DNAJC17: variants seen among roughly 807,000 people sequenced by gnomAD.
DNAJC17 encodes dnaJ homolog subfamily C member 17.
Under a neutral mutation model 48.1 loss-of-function variants are expected in DNAJC17, and 35 were observed. That is an observed-to-expected ratio of 0.73 (90% CI 0.56 to 0.96). DNAJC17 has a LOEUF of 0.96. Ranked by LOEUF, DNAJC17 falls within the 50% of genes least tolerant of loss-of-function variation. The probability of loss-of-function intolerance (pLI) is 0.00; values close to 1 mark genes in which losing one functional copy is unlikely to be tolerated. For missense variants in DNAJC17, 355 were observed against 377.1 expected, an observed-to-expected ratio of 0.94 and a Z score of 0.48; for synonymous variants, 117 against 142.7, an observed-to-expected ratio of 0.82 and a Z score of 1.28.
At chr15:40,781,748 C>T (rs1473092699) in intron 1 of DNAJC17, among the ~76,000 whole-genome samples, 8 of 150,360 alleles carry the variant, frequency 5.3e-5, no homozygotes, top group Non-Finnish European at 1.2e-4. Flanking sequence ...GGTGAAACCC[C>T]GTCTCTACTA....
chr15:40,767,039 T>G lies in DNAJC17; in HGVS notation c.*901A>C. On this transcript the variant is annotated 3_prime_UTR_variant, in exon 11 of 11. Coordinates refer to ENST00000220496, the MANE Select transcript of DNAJC17 (RefSeq NM_018163.3). Reference sequence around the variant, plus strand: ...TCACTAGCTTGTTGGGAAGAATAAATGAGATAGCTCGTGAAGTACCTAGAA... The same window carrying G: ...TCACTAGCTTGTTGGGAAGAATAAAGGAGATAGCTCGTGAAGTACCTAGAA... 8.3e-5 allele frequency: 39 copies of G among 469,252 alleles called. No homozygotes were observed. Among genetic ancestry groups the G allele is most frequent in the East Asian group, 2.0e-4 (6 of 29,650 alleles). The allele number at this position is 469,252 out of a possible 1,614,324, so 29.1% of individuals were successfully genotyped here. A position where few individuals can be genotyped will look rare whatever the true frequency, so the allele number is the denominator to read the frequency against.
chr15:40,779,524 G>A (rs369670646), intron 3 of DNAJC17, 21 bp downstream of exon 3: 36 of 1,613,930 alleles, frequency 2.2e-5, no homozygotes, highest in Non-Finnish European at 2.7e-5. Context: ...GGACGATTCC[G>A]ATGAAGGAGG....
In DNAJC17 at chr15:40,770,873, G is replaced by T. The variant is rs979645873; in HGVS notation, c.793-2811C>A. On this transcript the variant is annotated intron_variant, in intron 10 of 10. Coordinates refer to ENST00000220496, the MANE Select transcript of DNAJC17 (RefSeq NM_018163.3). This position sits in a 1 kb window ranked among gnomAD's most constrained non-coding sequence, Gnocchi z 5.0. ...GTGCCCTCCACCAGCACTCAGAGAA[G>T]GGCCTTGTGGACACTCCCTGCTTCC... 8 of 1,551,564 alleles carry T rather than the reference G, an allele frequency of 5.2e-6. No homozygotes were observed. The East Asian group carries it at 2.0e-4, about 38-fold the overall frequency.
Position 40,769,625 on chromosome 15 carries a change from C to T in DNAJC17, c.793-1563G>A, listed in dbSNP as rs1889067391. The stretch of plus-strand genomic sequence containing the variant: ...GACAGCGGGGCTGAGTCACCCATAC[C>T]AGCTACAGGTCTCTTCCTTCCCCAA... On this transcript the variant is annotated intron_variant, in intron 10 of 10. Transcript: ENST00000220496. This position sits in a 1 kb window ranked among gnomAD's most constrained non-coding sequence, Gnocchi z 4.2. Among the ~76,000 whole-genome samples the T allele has an allele frequency of 6.6e-6, 1 of 152,242 alleles. No individual in the cohort carries two copies.
At chr15:40,782,012 C>T (rs945195075) in intron 1 of DNAJC17, among the ~76,000 whole-genome samples, 2 of 152,014 alleles carry the variant, frequency 1.3e-5, no homozygotes, top group African/African-American at 4.8e-5. Flanking sequence ...TCGCTTGAGC[C>T]CAGGAGTTCC....
chr15:40,776,176 G>A lies in DNAJC17; in HGVS notation c.478+20C>T. ...TGGAGCTACCTTGGAGGGGAGATAG[G>A]CGGGGTGATAGACCTGCACCTCTCA... On this transcript the variant is annotated intron_variant, in intron 6 of 10. Coordinates refer to ENST00000220496, the MANE Select transcript of DNAJC17 (RefSeq NM_018163.3). The A allele has an allele frequency of 1.2e-6, 2 of 1,610,402 alleles. No homozygotes were observed. Among genetic ancestry groups the A allele is most frequent in the Non-Finnish European group, 1.7e-6 (2 of 1,178,148 alleles).
intron 5 of DNAJC17, 105 bp downstream of exon 5, chr15:40,776,437 G>A (rs746358632): frequency 6.7e-7 from 1 of 1,482,194 alleles, no homozygotes; most frequent in Non-Finnish European, 9.4e-7. Flanking sequence ...TCCCACTGAA[G>A]GTGCAAAGAG....
chr15:40,777,372 T>C (rs1160228012), intron 4 of DNAJC17, among the ~76,000 whole-genome samples: 1 of 151,618 alleles, frequency 6.6e-6, no homozygotes, highest in Non-Finnish European at 1.5e-5. Context: ...ATGCACATAT[T>C]AAAATATATG....
At chr15:40,798,762 G>C (rs1419177774) in intron 1 of DNAJC17, among the ~76,000 whole-genome samples, 2 of 152,130 alleles carry the variant, frequency 1.3e-5, no homozygotes, top group South Asian at 2.1e-4. Flanking sequence ...AAAGGATCAA[G>C]AACAGAAATA....
chr15:40,788,382 G>A (rs1466257556), intron 1 of DNAJC17, among the ~76,000 whole-genome samples: 1 of 152,062 alleles, frequency 6.6e-6, no homozygotes, highest in African/African-American at 2.4e-5. Flanking sequence ...GGGCAACAAA[G>A]CGAACCCCAC....
intron 1 of DNAJC17, among the ~76,000 whole-genome samples, chr15:40,796,093 C>T (rs1252934644): frequency 6.6e-6 from 1 of 152,210 alleles, no homozygotes; most frequent in African/African-American, 2.4e-5. Context: ...TATTTACTCT[C>T]AGTCTAATAA....
intron 10 of DNAJC17, 93 bp downstream of exon 10, chr15:40,773,634 G>C: frequency 1.0e-6 from 1 of 1,000,098 alleles, no homozygotes; most frequent in Non-Finnish European, 1.5e-6. Context: ...TAGGCCCCAA[G>C]ATCTGAATTT....
At position 40,807,380 on chromosome 15, in the gene DNAJC17, C is replaced by T. The variant is rs767818598; in HGVS notation, c.67G>A (p.Ala23Thr). ...GCCACCGTTCTCACCTCTTTGTCCGCTGCCTTCTCCTCAATGCCTAGCAGC... is the reference window on the plus strand; with the variant it reads ...GCCACCGTTCTCACCTCTTTGTCCGTTGCCTTCTCCTCAATGCCTAGCAGC... ...YALLGIEEKA[A>T]DKEVKKAYRQ... Residue 23 changes from alanine to threonine, a missense_variant, in exon 1 of 11, where the codon GCG becomes ACG. Transcript: ENST00000220496. 10 of 1,614,156 alleles carry T rather than the reference C, an allele frequency of 6.2e-6. No homozygotes were observed. Among genetic ancestry groups the T allele is most frequent in the African/African-American group, 5.3e-5 (4 of 74,948 alleles).
chr15:40,806,379 C>A (rs1027864386), intron 1 of DNAJC17, among the ~76,000 whole-genome samples: 2 of 151,762 alleles, frequency 1.3e-5, no homozygotes, highest in Admixed American at 6.6e-5. Flanking sequence ...CCACCACGCC[C>A]GGCTAATTTT....
chr15:40,790,495 C>T (rs984926735), intron 1 of DNAJC17, among the ~76,000 whole-genome samples: 1 of 152,184 alleles, frequency 6.6e-6, no homozygotes, highest in African/African-American at 2.4e-5. Context: ...ATGAGAATCA[C>T]TTGAACCCAG....
intron 1 of DNAJC17, among the ~76,000 whole-genome samples, chr15:40,805,782 G>C (rs1263177118): frequency 6.6e-6 from 1 of 151,814 alleles, no homozygotes; most frequent in African/African-American, 2.4e-5. Context: ...AGTAAGCCGA[G>C]ATCGCGCCAC....
Position 40,770,786 on chromosome 15 carries a change from G to T in DNAJC17, c.793-2724C>A. The stretch of plus-strand genomic sequence containing the variant: ...GCTCAAGCTGCCCCAACATCCTGGA[G>T]CCCCCACCTGCCTACACAGCAGCCT... On this transcript the variant is annotated intron_variant, in intron 10 of 10. Transcript: ENST00000220496. This position sits in a 1 kb window ranked among gnomAD's most constrained non-coding sequence, Gnocchi z 5.0. The T allele has an allele frequency of 6.5e-7, 1 of 1,547,988 alleles. No homozygotes were observed. The highest frequency in any genetic ancestry group is 8.7e-7 in the Non-Finnish European group (1 of 1,146,926).
rs1462476554 is a variant in DNAJC17 at position 40,775,095 on chromosome 15, C to T, written c.536G>A (p.Cys179Tyr). The T allele has an allele frequency of 2.5e-6, 4 of 1,614,032 alleles. No individual in the cohort carries two copies. Among genetic ancestry groups the T allele is most frequent in the Admixed American group, 3.3e-5 (2 of 59,998 alleles). ...GTPKLKLKWK[C>Y]KKEDESKGGY... ...ACCTTTTGACTCATCCTCCTTCTTG[C>T]ACTTCCATTTTAGCTGAAAAGAGAG... The change falls in exon 8 of 11, where the codon TGC (cysteine) becomes TAC (tyrosine). Residue 179 changes from cysteine to tyrosine, a missense_variant. Physicochemically the swap from Cys to Tyr is radical, Grantham distance 194. Coordinates refer to ENST00000220496, the MANE Select transcript of DNAJC17 (RefSeq NM_018163.3).
chr15:40,804,079 A>T (rs1347141823), intron 1 of DNAJC17, among the ~76,000 whole-genome samples: 1 of 150,354 alleles, frequency 6.7e-6, no homozygotes, highest in Non-Finnish European at 1.5e-5. Flanking sequence ...TGATCCTCCC[A>T]CCTCAGCCTC....
Sources: gnomAD v4.1 joint callset for allele counts (sites outside exome capture counted in the v4.1 genomes callset) on GRCh38, gnomAD v4.1.1 for gene constraint, Gnocchi (gnomAD v3.1) non-coding constraint, MANE v1.5 for transcripts, NCBI Gene and HGNC (gene_info 2026-07-23, HGNC 2026-07-21) for gene names.